Variants in MAGI2 observed in about 807,000 individuals in gnomAD.
MAGI2 encodes membrane-associated guanylate kinase, WW and PDZ domain-containing protein 2.
In MAGI2, 35 loss-of-function variants were observed where a neutral mutation model predicts 133.3. The ratio of observed to expected loss-of-function variants is 0.26; its 90% CI spans 0.20 to 0.35. The LOEUF (loss-of-function observed/expected upper bound fraction) is 0.35, where lower values mean the gene tolerates loss of function less well. Among genes scored for constraint, MAGI2 ranks in the 10% least tolerant of loss-of-function variants. The probability of loss-of-function intolerance (pLI) is 1.00; values close to 1 mark genes in which losing one functional copy is unlikely to be tolerated. For synonymous variants in MAGI2, 729 were observed against 710.6 expected, an observed-to-expected ratio of 1.03 and a Z score of -0.41; for missense variants, 1,636 against 1,863.4, an observed-to-expected ratio of 0.88 and a Z score of 2.25.
chr7:78,794,898 A>G (rs1440129686), intron 2 of MAGI2, among the ~76,000 whole-genome samples: 4 of 152,120 alleles, frequency 2.6e-5, no homozygotes, highest in Non-Finnish European at 5.9e-5. Flanking sequence ...TCCTAATGAA[A>G]AAAAAATTGA....
chr7:78,517,726 G>A (rs1307083445), intron 4 of MAGI2, among the ~76,000 whole-genome samples: 1 of 152,072 alleles, frequency 6.6e-6, no homozygotes, highest in Non-Finnish European at 1.5e-5. Context: ...GACAGAGGGA[G>A]AAATATTTCT....
intron 16 of MAGI2, 143 bp downstream of exon 16, chr7:78,159,882 C>T: frequency 1.8e-6 from 2 of 1,118,716 alleles, no homozygotes; most frequent in South Asian, 2.3e-5. Flanking sequence ...GTATGGATGC[C>T]TTATTTGTGC....
intron 9 of MAGI2, among the ~76,000 whole-genome samples, chr7:78,288,001 G>T (rs778799943): frequency 2.0e-5 from 3 of 152,112 alleles, no homozygotes; most frequent in Non-Finnish European, 4.4e-5. Flanking sequence ...ATTTAGACAA[G>T]AGAAGAAGAA....
At chr7:78,944,912 T>A (rs1045973954) in intron 2 of MAGI2, among the ~76,000 whole-genome samples, 1 of 151,556 alleles carries the variant, frequency 6.6e-6, no homozygotes, top group Non-Finnish European at 1.5e-5. Context: ...AATTTCTGTA[T>A]TTTTTTTGTA....
chr7:78,545,212 C>CTTTTTTTTTTTTTTTTTTTTT (rs71085537), intron 3 of MAGI2, among the ~76,000 whole-genome samples: 1 of 83,130 alleles, frequency 1.2e-5, no homozygotes, highest in Non-Finnish European at 2.2e-5. Context: ...TAACCTGATT[C>CTTTTTTTTTTTTTTTTTTTTT]TTTTTTTTTT....
At chr7:79,451,371 C>T (rs1410887731) in intron 1 of MAGI2, among the ~76,000 whole-genome samples, 2 of 152,136 alleles carry the variant, frequency 1.3e-5, no homozygotes, top group African/African-American at 2.4e-5. Flanking sequence ...TATGTCTATT[C>T]CTATAAGGTG....
intron 1 of MAGI2, among the ~76,000 whole-genome samples, chr7:79,360,299 T>C (rs1300514273): frequency 6.6e-6 from 1 of 152,132 alleles, no homozygotes. Context: ...AAGGTTATCT[T>C]GGGGTAAACA....
At chr7:78,660,423 A>G (rs1812822791) in intron 2 of MAGI2, among the ~76,000 whole-genome samples, 1 of 152,138 alleles carries the variant, frequency 6.6e-6, no homozygotes, top group African/African-American at 2.4e-5. Context: ...AGTGCTTCTC[A>G]TGAAAATATC....
intron 2 of MAGI2, among the ~76,000 whole-genome samples, chr7:78,636,890 G>A (rs1010501570): frequency 6.6e-6 from 1 of 152,158 alleles, no homozygotes; most frequent in Non-Finnish European, 1.5e-5. Context: ...TTAAAGCACA[G>A]ATAGCTGGTT....
chr7:78,408,942 G>A (rs1797628579), intron 6 of MAGI2, among the ~76,000 whole-genome samples: 1 of 152,034 alleles, frequency 6.6e-6, no homozygotes, highest in South Asian at 2.1e-4. Flanking sequence ...GACCATCTAT[G>A]AATTTAACTT....
chr7:78,864,924 A>G (rs901969494), intron 2 of MAGI2, among the ~76,000 whole-genome samples: 1 of 152,190 alleles, frequency 6.6e-6, no homozygotes, highest in Non-Finnish European at 1.5e-5. Flanking sequence ...TACTTCCCCT[A>G]TGTCTTCAAG....
chr7:78,556,481 A>C (rs2150722252), intron 3 of MAGI2, among the ~76,000 whole-genome samples: 1 of 152,300 alleles, frequency 6.6e-6, no homozygotes, highest in Non-Finnish European at 1.5e-5. Context: ...TTGTGATGAC[A>C]ACTCTAAAAT....
At chr7:78,061,317 G>A (rs1813228700) in intron 21 of MAGI2, among the ~76,000 whole-genome samples, 1 of 151,736 alleles carries the variant, frequency 6.6e-6, no homozygotes, top group Non-Finnish European at 1.5e-5. Context: ...ATCCGGGGGA[G>A]TGGGCCTGAA....
chr7:79,418,869 G>GCA (rs879433243), intron 1 of MAGI2, among the ~76,000 whole-genome samples: 20 of 46,412 alleles, frequency 4.3e-4, no homozygotes, highest in Admixed American at 7.6e-4. Context: ...ACACACACAC[G>GCA]CACACACACA....
chr7:78,209,375 T>C (rs527995213), intron 10 of MAGI2, among the ~76,000 whole-genome samples: 130 of 148,542 alleles, frequency 8.8e-4, no homozygotes, highest in African/African-American at 1.5e-3. Flanking sequence ...CATTCTCCTG[T>C]CTCAGCCTCC....
At chr7:78,667,333 G>C (rs897836721) in intron 2 of MAGI2, among the ~76,000 whole-genome samples, 1 of 147,222 alleles carries the variant, frequency 6.8e-6, no homozygotes, top group African/African-American at 2.5e-5. Flanking sequence ...AAAGCGTGCA[G>C]TATTGTAACC....
At chr7:78,837,140 T>C (rs1791697262) in intron 2 of MAGI2, among the ~76,000 whole-genome samples, 1 of 152,156 alleles carries the variant, frequency 6.6e-6, no homozygotes, top group Non-Finnish European at 1.5e-5. Flanking sequence ...AGTCAAGATG[T>C]GGGCCTCAGC....
chr7:79,316,510 T>A (rs1408479320), intron 1 of MAGI2, among the ~76,000 whole-genome samples: 1 of 152,216 alleles, frequency 6.6e-6, no homozygotes, highest in Non-Finnish European at 1.5e-5. Context: ...CACATACATA[T>A]GCATTTCTGT....
rs1379172384 is a variant in MAGI2 at position 79,148,857 on chromosome 7, TATATGTATGTTTTATATAC to T, written c.302-141670_302-141652del. 8.3e-4 allele frequency among the ~76,000 whole-genome samples: 122 copies of T among 147,836 alleles called. 3 individuals carry two copies. The South Asian group carries it at 0.024, about 29-fold the overall frequency. ...CACATATATGTATGTTTTATATATA[TATATGTATGTTTTATATAC>T]ATATATATGTTTTATATATATATGT... On this transcript the variant is annotated intron_variant, in intron 1 of 21. Transcript: ENST00000354212.
Sources: gnomAD v4.1 joint callset for allele counts (sites outside exome capture counted in the v4.1 genomes callset) on GRCh38, gnomAD v4.1.1 for gene constraint, MANE v1.5 for transcripts, NCBI Gene and HGNC (gene_info 2026-07-23, HGNC 2026-07-21) for gene names.